TCF4: variants seen among roughly 807,000 people sequenced by gnomAD.
TCF4 encodes SL3-3 enhancer factor 2.
A neutral mutation model predicts 82.1 loss-of-function variants in TCF4; 3 were observed. That is an observed-to-expected ratio of 0.04 (90% CI 0.02 to 0.09). The LOEUF (loss-of-function observed/expected upper bound fraction) is 0.09, where lower values mean the gene tolerates loss of function less well. Ranked by LOEUF, TCF4 falls within the 10% of genes least tolerant of loss-of-function variation. The pLI, the probability that TCF4 is intolerant of heterozygous loss-of-function variation, is 1.00. For synonymous variants in TCF4, 276 were observed against 309.6 expected, an observed-to-expected ratio of 0.89 and a Z score of 1.14; for missense variants, 518 against 852.7, an observed-to-expected ratio of 0.61 and a Z score of 4.89.
intron 3 of TCF4, among the ~76,000 whole-genome samples, chr18:55,503,524 A>T (rs2096722315): frequency 6.6e-6 from 1 of 152,238 alleles, no homozygotes; most frequent in African/African-American, 2.4e-5. Flanking sequence ...GTAAACAGAG[A>T]TTCTACTGAC....
At chr18:55,536,976 T>C (rs912472554) in intron 3 of TCF4, among the ~76,000 whole-genome samples, 8 of 151,620 alleles carry the variant, frequency 5.3e-5, no homozygotes, top group Non-Finnish European at 7.4e-5. Context: ...CTACTAAAAA[T>C]ACAGAAAATT....
chr18:55,492,858 T>C (rs1293217606), intron 3 of TCF4, among the ~76,000 whole-genome samples: 1 of 152,200 alleles, frequency 6.6e-6, no homozygotes, highest in African/African-American at 2.4e-5. Context: ...AGGTGCATTG[T>C]CAAGGCTCTG....
chr18:55,372,977 GA>G (rs994479011), intron 6 of TCF4, among the ~76,000 whole-genome samples: 5 of 148,484 alleles, frequency 3.4e-5, no homozygotes, highest in Non-Finnish European at 7.5e-5. Context: ...TGCACCATTA[GA>G]AAAAAAAAGA....
chr18:55,232,772 G>A, intron 16 of TCF4, 101 bp from the exon 17 acceptor site: 1 of 1,436,726 alleles, frequency 7.0e-7, no homozygotes, highest in Non-Finnish European at 9.7e-7. Context: ...GCTGAACTGT[G>A]ATCCTTCTGT....
At chr18:55,556,203 G>A (rs1057380641) in intron 3 of TCF4, among the ~76,000 whole-genome samples, 1 of 151,690 alleles carries the variant, frequency 6.6e-6, no homozygotes, top group Non-Finnish European at 1.5e-5. Flanking sequence ...ACTTTCAAAG[G>A]AGTGAGTGGT....
At chr18:55,533,449 G>A (rs190877431) in intron 3 of TCF4, among the ~76,000 whole-genome samples, 1 of 152,290 alleles carries the variant, frequency 6.6e-6, no homozygotes, top group East Asian at 1.9e-4. Flanking sequence ...ATGTTATCCT[G>A]AGAGGGTGGG....
intron 5 of TCF4, among the ~76,000 whole-genome samples, chr18:55,426,099 TTA>T (rs35262105): frequency 0.019 from 2,687 of 139,118 alleles, 106 homozygotes; most frequent in African/African-American, 0.069. Context: ...ACAAAAAATT[TTA>T]TATATATATA....
chr18:55,497,421 G>A (rs900415939), intron 3 of TCF4, among the ~76,000 whole-genome samples: 3 of 152,118 alleles, frequency 2.0e-5, no homozygotes, highest in Non-Finnish European at 4.4e-5. Flanking sequence ...GTCTATGAGG[G>A]AAAGAGAGAA....
At chr18:55,584,497 T>C (rs1226347265) in intron 3 of TCF4, among the ~76,000 whole-genome samples, 1 of 150,988 alleles carries the variant, frequency 6.6e-6, no homozygotes, top group Non-Finnish European at 1.5e-5. Context: ...TTTAAATGAA[T>C]ATTTTCACTC....
At chr18:55,316,018 G>A (rs936427104) in intron 8 of TCF4, among the ~76,000 whole-genome samples, 1 of 151,802 alleles carries the variant, frequency 6.6e-6, no homozygotes, top group Non-Finnish European at 1.5e-5. Flanking sequence ...AGTATTAAGG[G>A]CTAATAAAGT....
chr18:55,462,061 G>C (rs1327691775), intron 4 of TCF4, among the ~76,000 whole-genome samples: 1 of 152,140 alleles, frequency 6.6e-6, no homozygotes, highest in East Asian at 1.9e-4. Flanking sequence ...GGTTGCATGT[G>C]AGCCAAAGGG....
At chr18:55,425,359 T>TG (rs950760055) in intron 5 of TCF4, among the ~76,000 whole-genome samples, 1 of 151,934 alleles carries the variant, frequency 6.6e-6, no homozygotes, top group African/African-American at 2.4e-5. Context: ...CTTTTTTTTT[T>TG]TCTTTTGAGG....
rs1412694197 is a variant in TCF4, at chr18:55,293,597, C to G, written c.550-13941G>C. The stretch of plus-strand genomic sequence containing the variant: ...GGTTCTTAACCTCTTTCTCAATCTT[C>G]AATATTCATTTGAAAAATGTAGTTC... On this transcript the variant is annotated intron_variant, in intron 8 of 19. Transcript: ENST00000354452. Among the ~76,000 whole-genome samples, 10 of 152,166 alleles carry G rather than the reference C, an allele frequency of 6.6e-5. No homozygotes were observed. The East Asian group carries it at 1.9e-3, about 29-fold the overall frequency.
chr18:55,348,066 T>C (rs1489101956), intron 8 of TCF4, among the ~76,000 whole-genome samples: 4 of 152,178 alleles, frequency 2.6e-5, no homozygotes, highest in African/African-American at 9.6e-5. Flanking sequence ...ACTAGAAAAG[T>C]GTGACCATGT....
chr18:55,290,545 G>A (rs1601577558), intron 8 of TCF4, among the ~76,000 whole-genome samples: 1 of 152,266 alleles, frequency 6.6e-6, no homozygotes, highest in Admixed American at 6.5e-5. Flanking sequence ...GGTATTGAGA[G>A]GTTGTTACAA....
At chr18:55,288,182 A>G (rs1431605513) in intron 8 of TCF4, among the ~76,000 whole-genome samples, 1 of 152,162 alleles carries the variant, frequency 6.6e-6, no homozygotes, top group Non-Finnish European at 1.5e-5. Flanking sequence ...GATTTAAGCT[A>G]TTTTCCAATA....
chr18:55,509,875 C>G (rs906044653), intron 3 of TCF4, among the ~76,000 whole-genome samples: 1 of 152,160 alleles, frequency 6.6e-6, no homozygotes, highest in Non-Finnish European at 1.5e-5. Flanking sequence ...CTTTGATAAT[C>G]AAGCCCTACC....
Position 55,512,544 on chromosome 18 carries a change from G to A in TCF4, c.146-48407C>T, listed in dbSNP as rs201659203. Among the ~76,000 whole-genome samples the A allele has an allele frequency of 2.6e-5, 4 of 152,098 alleles. No homozygotes were observed. In the East Asian group the frequency reaches 7.7e-4, roughly 29 times the overall value. ...GGTGTGTGTGTCTATGCATATATGTGTGTATGTGCATATATAGCTGTATAT... is the reference window on the plus strand; with the variant it reads ...GGTGTGTGTGTCTATGCATATATGTATGTATGTGCATATATAGCTGTATAT... On this transcript the variant is annotated intron_variant, in intron 3 of 19. Transcript: ENST00000354452.
chr18:55,402,265 A>G, intron 6 of TCF4: 1 of 982,254 alleles, frequency 1.0e-6, no homozygotes, highest in Non-Finnish European at 1.2e-6. Flanking sequence ...ATATACAGGG[A>G]AAAAACAAAC....
Sources: allele counts gnomAD v4.1 joint callset (sites outside exome capture counted in the v4.1 genomes callset), GRCh38; gene constraint gnomAD v4.1.1; transcripts MANE v1.5; gene names NCBI Gene and HGNC (gene_info 2026-07-23, HGNC 2026-07-21).